The following CYP20A1 variants were observed in gnomAD, a reference collection of about 807,000 sequenced individuals.
CYP20A1 encodes cytochrome P450 family 20 subfamily A member 1, also known as cytochrome P450 20A1.
Under a neutral mutation model 61.4 loss-of-function variants are expected in CYP20A1, and 61 were observed. That is an observed-to-expected ratio of 0.99 (90% CI 0.81 to 1.23). The LOEUF (loss-of-function observed/expected upper bound fraction) is 1.23, where lower values mean the gene tolerates loss of function less well. CYP20A1 is among the 50% of genes most tolerant of loss of function. The pLI is 0.00. For missense variants in CYP20A1, 530 were observed against 542.4 expected (o/e 0.98, Z 0.23); for synonymous variants, 193 against 188.2 (o/e 1.03, Z -0.21).
intron 6 of CYP20A1, among the ~76,000 whole-genome samples, chr2:203,274,842 T>TA (rs2067751706): frequency 1.3e-5 from 2 of 152,216 alleles, no homozygotes; most frequent in African/African-American, 4.8e-5. Context: ...TTCCCCTTGA[T>TA]AAAAAATGTA....
At chr2:203,239,482 T>C (rs2066170020) in intron 1 of CYP20A1, among the ~76,000 whole-genome samples, 1 of 152,168 alleles carries the variant, frequency 6.6e-6, no homozygotes, top group African/African-American at 2.4e-5. Context: ...TTTTTGGCCA[T>C]AACTCGCCAA....
At position 203,296,943 on chromosome 2, in the gene CYP20A1, T is replaced by G. The variant is rs1042676955; in HGVS notation, c.*35T>G. The G allele has an allele frequency of 8.6e-6, 11 of 1,277,988 alleles. No homozygotes were observed. Among genetic ancestry groups the G allele is most frequent in the Non-Finnish European group, 1.1e-5 (10 of 925,936 alleles). The allele number at this position is 1,277,988 out of a possible 1,614,324, so 79.2% of individuals were successfully genotyped here. The stretch of plus-strand genomic sequence containing the variant: ...CATTTAAAATCATTGTTAAATTGAT[T>G]GAGGAAAACAACCATTTAAAAAAAA... On this transcript the variant is annotated 3_prime_UTR_variant, in exon 13 of 13. Transcript: ENST00000356079.
chr2:203,248,327 AT>A (rs2066533150), intron 3 of CYP20A1, among the ~76,000 whole-genome samples: 1 of 152,148 alleles, frequency 6.6e-6, no homozygotes, highest in African/African-American at 2.4e-5. Flanking sequence ...TGAGGTCAGG[AT>A]TTCGAGACCA....
chr2:203,260,750 C>T (rs951131977), intron 4 of CYP20A1, among the ~76,000 whole-genome samples: 3 of 152,164 alleles, frequency 2.0e-5, no homozygotes, highest in Non-Finnish European at 4.4e-5. Flanking sequence ...CCTTGAACTC[C>T]TGACTTCAAG....
chr2:203,244,848 T>C (rs191708813), intron 1 of CYP20A1, among the ~76,000 whole-genome samples: 1,817 of 151,102 alleles, frequency 0.012, 33 homozygotes, highest in Admixed American at 0.042. Flanking sequence ...TTCTCCTGCC[T>C]CAGCCTCCCG....
rs542349960 is a variant in CYP20A1, at chr2:203,303,523, C to T, written c.*6615C>T. On this transcript the variant is annotated 3_prime_UTR_variant, in exon 13 of 13. Coordinates refer to ENST00000356079, the MANE Select transcript of CYP20A1 (RefSeq NM_177538.3). Reference sequence around the variant, plus strand: ...TCAGCCTGGCCAACGTGGTGAAACTCCATCTCTACTAAAAATACCAAAAGT... The same window carrying T: ...TCAGCCTGGCCAACGTGGTGAAACTTCATCTCTACTAAAAATACCAAAAGT... 3.5e-3 allele frequency among the ~76,000 whole-genome samples: 525 copies of T among 151,242 alleles called. 4 individuals carry two copies. Among genetic ancestry groups the T allele is most frequent in the African/African-American group, 0.012 (509 of 41,260 alleles).
chr2:203,303,377 G>A lies in CYP20A1; in HGVS notation c.*6469G>A, dbSNP rs973095694. On this transcript the variant is annotated 3_prime_UTR_variant, in exon 13 of 13. Coordinates refer to ENST00000356079, the MANE Select transcript of CYP20A1 (RefSeq NM_177538.3). ...TAGTGTATTTAGTTATTTAAGGAGG[G>A]CTCAATCAACAGGTTTAAATGGTGT... 6.6e-6 allele frequency among the ~76,000 whole-genome samples: 1 copy of A among 151,952 alleles called. No homozygotes were observed. Among genetic ancestry groups the A allele is most frequent in the African/African-American group, 2.4e-5 (1 of 41,376 alleles).
In CYP20A1 at chr2:203,241,861, A is replaced by G. The variant is rs539207582; in HGVS notation, c.72+2727A>G. Among the ~76,000 whole-genome samples the G allele has an allele frequency of 4.6e-5, 7 of 152,152 alleles. No homozygotes were observed. The South Asian group carries it at 1.5e-3, about 32-fold the overall frequency. ...TAAATTTTTTATTTTTTATTTTTTG[A>G]TACAAAGTCTCGCTCTGTCGCCCAG... is the stretch of plus-strand genomic sequence containing the variant. On this transcript the variant is annotated intron_variant, in intron 1 of 12. Transcript: ENST00000356079.
Position 203,303,293 on chromosome 2 carries a change from C to A in CYP20A1, c.*6385C>A, listed in dbSNP as rs1274000365. 6.6e-6 allele frequency among the ~76,000 whole-genome samples: 1 copy of A among 152,022 alleles called. No individual in the cohort carries two copies. Among genetic ancestry groups the A allele is most frequent in the Admixed American group, 6.6e-5 (1 of 15,236 alleles). On this transcript the variant is annotated 3_prime_UTR_variant, in exon 13 of 13. Transcript: ENST00000356079. ...GTGCTGGGATTACAGGCATGAGCCA[C>A]TGTGCCCGGCCATTTTTTTGTGTTT...
Position 203,245,346 on chromosome 2 carries a change from A to ATT in CYP20A1, c.73-500_73-499insTT, listed in dbSNP as rs1170482802. Among the ~76,000 whole-genome samples, 648 of 143,624 alleles carry ATT rather than the reference A, an allele frequency of 4.5e-3. 10 individuals carry two copies. The highest frequency in any genetic ancestry group is 0.016 in the African/African-American group (596 of 38,182). The allele number at this position is 143,624 out of a possible 152,430, so 94.2% of individuals were successfully genotyped here. ...CGGCTGAAATCATTCTTTAAAAAAA[A>ATT]ATTTTTTTTTTTTTTTTCATTTTAA... On this transcript the variant is annotated intron_variant, in intron 1 of 12. Transcript: ENST00000356079.
At chr2:203,241,952 C>T (rs1256762229) in intron 1 of CYP20A1, among the ~76,000 whole-genome samples, 1 of 152,224 alleles carries the variant, frequency 6.6e-6, no homozygotes, top group East Asian at 1.9e-4. Flanking sequence ...AGCGATTCTT[C>T]TGCCTCAGCC....
In CYP20A1 at chr2:203,252,555, G is replaced by A. The variant is rs564579871; in HGVS notation, c.432+446G>A. 8.7e-4 allele frequency among the ~76,000 whole-genome samples: 132 copies of A among 151,842 alleles called. 4 individuals carry two copies. Among genetic ancestry groups the A allele is most frequent in the South Asian group, 1.3e-3 (6 of 4,788 alleles). On this transcript the variant is annotated intron_variant, in intron 4 of 12. Transcript: ENST00000356079. ...GATTACAGGTGCGCACCATCACACCGGGCTAATTTTTGTATTTTTAGTAGA... is the reference window on the plus strand; with the variant it reads ...GATTACAGGTGCGCACCATCACACCAGGCTAATTTTTGTATTTTTAGTAGA...
rs1386457828 is a variant in CYP20A1 at position 203,303,484 on chromosome 2, C to G, written c.*6576C>G. On this transcript the variant is annotated 3_prime_UTR_variant, in exon 13 of 13. Transcript: ENST00000356079. ...GCCAAGGCAGGTGAATCACTTGAGGCCAGGAGTTTGAGATCAGCCTGGCCA... is the reference window on the plus strand; with the variant it reads ...GCCAAGGCAGGTGAATCACTTGAGGGCAGGAGTTTGAGATCAGCCTGGCCA... Among the ~76,000 whole-genome samples the G allele has an allele frequency of 6.6e-6, 1 of 151,672 alleles. No homozygotes were observed. Among genetic ancestry groups the G allele is most frequent in the African/African-American group, 2.4e-5 (1 of 41,322 alleles).
chr2:203,282,035 CTT>C (rs113768629), intron 8 of CYP20A1, among the ~76,000 whole-genome samples: 8 of 116,410 alleles, frequency 6.9e-5, no homozygotes, highest in African/African-American at 1.9e-4. Context: ...TGTATTCAAC[CTT>C]TTTTTTTTTT....
At chr2:203,289,328 C>T (rs1208431616) in intron 9 of CYP20A1, among the ~76,000 whole-genome samples, 2 of 152,078 alleles carry the variant, frequency 1.3e-5, no homozygotes, top group African/African-American at 4.8e-5. Flanking sequence ...GATATATTTA[C>T]TGAAAATATT....
chr2:203,241,827 G>A (rs572087367), intron 1 of CYP20A1, among the ~76,000 whole-genome samples: 3 of 152,142 alleles, frequency 2.0e-5, no homozygotes, highest in Non-Finnish European at 4.4e-5. Flanking sequence ...ACCACACCTG[G>A]CTAATTTTTA....
At chr2:203,293,570 T>A (rs958869534) in intron 11 of CYP20A1, among the ~76,000 whole-genome samples, 7 of 151,700 alleles carry the variant, frequency 4.6e-5, no homozygotes, top group African/African-American at 9.7e-5. Context: ...TTGCTTTTTT[T>A]AAATTTATTT....
At chr2:203,288,834 A>C (rs1054603110) in intron 9 of CYP20A1, among the ~76,000 whole-genome samples, 5 of 152,138 alleles carry the variant, frequency 3.3e-5, no homozygotes, top group Admixed American at 1.3e-4. Flanking sequence ...TGTGATCTTA[A>C]ATAACTGCCT....
In CYP20A1 at chr2:203,297,707, G is replaced by T. The variant is rs546775772; in HGVS notation, c.*799G>T. 1 of 152,198 alleles carries T rather than the reference G, an allele frequency of 6.6e-6. No homozygotes were observed. Among genetic ancestry groups the T allele is most frequent in the Non-Finnish European group, 1.5e-5 (1 of 68,036 alleles). The allele number at this position is 152,198 out of a possible 1,614,324, so 9.4% of individuals were successfully genotyped here. ...AAATACAGAAAATTGGCCGGGTGCG[G>T]TGGCTCACCCCTGTAATCCCAGTAC... On this transcript the variant is annotated 3_prime_UTR_variant, in exon 13 of 13. Transcript: ENST00000356079.
Sources: gnomAD v4.1 joint callset for allele counts (sites outside exome capture counted in the v4.1 genomes callset) on GRCh38, gnomAD v4.1.1 for gene constraint, MANE v1.5 for transcripts, NCBI Gene and HGNC (gene_info 2026-07-23, HGNC 2026-07-21) for gene names.